VSTM4: variants seen among roughly 807,000 people sequenced by gnomAD.
VSTM4 encodes V-set and transmembrane domain-containing protein 4.
A neutral mutation model predicts 36.4 loss-of-function variants in VSTM4; 20 were observed. The observed-to-expected ratio is 0.55, with a 90% confidence interval of 0.39 to 0.80. The LOEUF is 0.80. Ranked by LOEUF, VSTM4 falls within the 30% of genes least tolerant of loss-of-function variation. VSTM4 has a pLI of 0.00. For missense variants in VSTM4, 392 were observed against 404.5 expected, an observed-to-expected ratio of 0.97 and a Z score of 0.26; for synonymous variants, 182 against 173.9, an observed-to-expected ratio of 1.05 and a Z score of -0.37.
chr10:49,077,329 G>C lies in VSTM4; in HGVS notation c.527-3C>G. ...GAGGACAGCATACACATAGAGATCT[G>C]AAAGGCAAGGACAGACACGTGAGTC... is the stretch of plus-strand genomic sequence containing the variant. On this transcript the variant is annotated splice_polypyrimidine_tract_variant and splice_region_variant and intron_variant, in intron 3 of 7. Transcript: ENST00000332853. 1.2e-6 allele frequency: 2 copies of C among 1,614,126 alleles called. No individual in the cohort carries two copies. The highest frequency in any genetic ancestry group is 1.7e-6 in the Non-Finnish European group (2 of 1,179,978).
chr10:49,024,690 G>C (rs1364010706), intron 7 of VSTM4, among the ~76,000 whole-genome samples: 1 of 152,316 alleles, frequency 6.6e-6, no homozygotes, highest in African/African-American at 2.4e-5. Flanking sequence ...GAACATGTGT[G>C]TGCTGAACAA....
intron 3 of VSTM4, among the ~76,000 whole-genome samples, chr10:49,078,884 C>G (rs531783208): frequency 6.6e-6 from 1 of 151,874 alleles, no homozygotes; most frequent in Non-Finnish European, 1.5e-5. Context: ...CAGGCTGGAG[C>G]GCAGTGGCAT....
chr10:49,032,649 C>A (rs538773602), intron 7 of VSTM4, among the ~76,000 whole-genome samples: 2 of 152,114 alleles, frequency 1.3e-5, no homozygotes, highest in Non-Finnish European at 2.9e-5. Context: ...TCTTTTAGCA[C>A]CCCCACCCCC....
At chr10:49,076,102 CA>C (rs534619743) in intron 4 of VSTM4, among the ~76,000 whole-genome samples, 37 of 152,278 alleles carry the variant, frequency 2.4e-4, no homozygotes, top group African/African-American at 7.9e-4. Flanking sequence ...TCACCTCCCT[CA>C]TTGTCCCTTA....
chr10:49,090,898 C>G (rs1679423237), intron 2 of VSTM4, among the ~76,000 whole-genome samples: 1 of 152,078 alleles, frequency 6.6e-6, no homozygotes, highest in South Asian at 2.1e-4. Context: ...ACACACTCCT[C>G]TACCATCCGT....
rs1323626695 is a variant in VSTM4, at chr10:49,019,758, T to C, written c.855A>G (p.Glu285=). Residue 285 remains glutamate, a synonymous_variant, in exon 8 of 8, where the codon GAA becomes GAG. Coordinates refer to ENST00000332853, the MANE Select transcript of VSTM4 (RefSeq NM_001031746.5). ...GCTCCAGTTCGGCATAGGTTAAGTT[T>C]TCCTCAGCAATCTTTGGCTATAAAA... ...RKVTLPKIAE[E]NLTYAELELI... is the part of the protein sequence containing the mutation. 6 of 1,612,092 alleles carry C rather than the reference T, an allele frequency of 3.7e-6. No individual in the cohort carries two copies. The highest frequency in any genetic ancestry group is 5.1e-6 in the Non-Finnish European group (6 of 1,179,364).
chr10:49,114,007 A>G (rs1204468673), intron 1 of VSTM4, among the ~76,000 whole-genome samples: 1 of 151,978 alleles, frequency 6.6e-6, no homozygotes, highest in African/African-American at 2.4e-5. Context: ...TGGGACACCC[A>G]CTCTGACAGC....
intron 5 of VSTM4, among the ~76,000 whole-genome samples, chr10:49,060,535 T>G (rs192311230): frequency 6.6e-6 from 1 of 152,344 alleles, no homozygotes; most frequent in East Asian, 1.9e-4. Context: ...TTTGTGCCCA[T>G]TTTTAATTGT....
chr10:49,068,388 T>C (rs549906406), intron 4 of VSTM4, among the ~76,000 whole-genome samples: 1 of 152,242 alleles, frequency 6.6e-6, no homozygotes, highest in East Asian at 1.9e-4. Flanking sequence ...AGCTGCAGGG[T>C]TCCCCGGAGG....
rs1393865914 is a variant in VSTM4 at position 49,019,587 on chromosome 10, T to C, written c.*63A>G. Reference sequence around the variant, plus strand: ...AAAATACAGACATAAGGGCTTTGTCTCCAAGGCTTCATAAATCACTGGGTG... The same window carrying C: ...AAAATACAGACATAAGGGCTTTGTCCCCAAGGCTTCATAAATCACTGGGTG... On this transcript the variant is annotated 3_prime_UTR_variant, in exon 8 of 8. Coordinates refer to ENST00000332853, the MANE Select transcript of VSTM4 (RefSeq NM_001031746.5). The C allele has an allele frequency of 3.2e-6, 5 of 1,545,076 alleles. No individual in the cohort carries two copies. The African/African-American group carries it at 4.1e-5, about 13-fold the overall frequency.
chr10:49,104,928 G>T (rs1306383443), intron 2 of VSTM4, among the ~76,000 whole-genome samples: 1 of 151,446 alleles, frequency 6.6e-6, no homozygotes, highest in Admixed American at 6.6e-5. Flanking sequence ...GAAAGACAGA[G>T]AAACAGTGAG....
chr10:49,080,405 A>G (rs574520592), intron 3 of VSTM4, among the ~76,000 whole-genome samples: 1 of 152,346 alleles, frequency 6.6e-6, no homozygotes, highest in East Asian at 1.9e-4. Flanking sequence ...GGCCCCAGGG[A>G]AGCCCAGCAG....
rs1477263043 is a variant in VSTM4 at position 49,014,846 on chromosome 10, G to A, written c.*4804C>T. The A allele has an allele frequency of 6.5e-6, 1 of 152,688 alleles. No individual in the cohort carries two copies. The highest frequency in any genetic ancestry group is 1.9e-4 in the East Asian group (1 of 5,200). The allele number at this position is 152,688 out of a possible 1,614,324, so 9.5% of individuals were successfully genotyped here. A position where few individuals can be genotyped will look rare whatever the true frequency, so the allele number is the denominator to read the frequency against. ...TTGCCTGCTGCATACCTGCCAGCAT[G>A]GATGCTCCCCACTGCTCAGGCCCAG... On this transcript the variant is annotated 3_prime_UTR_variant, in exon 8 of 8. Transcript: ENST00000332853.
intron 4 of VSTM4, among the ~76,000 whole-genome samples, chr10:49,076,772 G>A (rs982811015): frequency 1.3e-5 from 2 of 152,152 alleles, no homozygotes; most frequent in Non-Finnish European, 2.9e-5. Context: ...GAAAGAACTG[G>A]GGAGACTTCC....
At chr10:49,106,874 C>T (rs1844792414) in intron 2 of VSTM4, among the ~76,000 whole-genome samples, 1 of 152,236 alleles carries the variant, frequency 6.6e-6, no homozygotes, top group South Asian at 2.1e-4. Context: ...CTCAAGGCCA[C>T]ATGCCTATGC....
At chr10:49,046,402 G>A (rs550245629) in intron 7 of VSTM4, among the ~76,000 whole-genome samples, 1 of 152,286 alleles carries the variant, frequency 6.6e-6, no homozygotes, top group East Asian at 1.9e-4. Context: ...TGAGATCCTG[G>A]ATTTGGATCC....
At chr10:49,048,438 T>C (rs1263919188) in intron 6 of VSTM4, 40 bp downstream of exon 6, 1 of 1,532,762 alleles carries the variant, frequency 6.5e-7, no homozygotes, top group Non-Finnish European at 8.8e-7. Context: ...GGATCAATAA[T>C]GATAGTTTCC....
chr10:49,075,960 G>T (rs1034916101), intron 4 of VSTM4, among the ~76,000 whole-genome samples: 1 of 152,180 alleles, frequency 6.6e-6, no homozygotes, highest in Non-Finnish European at 1.5e-5. Flanking sequence ...GTCCCTCTCT[G>T]CAGACCCCTG....
intron 5 of VSTM4, among the ~76,000 whole-genome samples, chr10:49,063,840 G>C (rs1843924868): frequency 6.6e-6 from 1 of 152,190 alleles, no homozygotes. Flanking sequence ...GAGGAAGGGA[G>C]TCTTAGCCTG....
Sources: allele counts gnomAD v4.1 joint callset (sites outside exome capture counted in the v4.1 genomes callset), GRCh38; gene constraint gnomAD v4.1.1; transcripts MANE v1.5; gene names NCBI Gene and HGNC (gene_info 2026-07-23, HGNC 2026-07-21).